Variants in GRIA4 observed in about 807,000 individuals in gnomAD.
GRIA4 encodes glutamate ionotropic receptor AMPA type subunit 4.
A neutral mutation model predicts 104.0 loss-of-function variants in GRIA4; 34 were observed. That is an observed-to-expected ratio of 0.33 (90% confidence interval 0.25 to 0.44). The LOEUF (loss-of-function observed/expected upper bound fraction) is 0.44. GRIA4 is among the 20% of genes least tolerant of loss of function. The pLI is 1.00. For synonymous variants in GRIA4, 386 were observed against 381.9 expected (o/e 1.01, Z -0.13); for missense variants, 750 against 1,096.5 (o/e 0.68, Z 4.46).
intron 6 of GRIA4, among the ~76,000 whole-genome samples, chr11:105,888,057 T>C (rs1334747050): frequency 1.3e-5 from 2 of 152,124 alleles, no homozygotes; most frequent in East Asian, 1.9e-4. Flanking sequence ...ACAAACAAGA[T>C]ACACATATTT....
At chr11:105,766,602 C>G (rs1045126759) in intron 4 of GRIA4, among the ~76,000 whole-genome samples, 2 of 151,924 alleles carry the variant, frequency 1.3e-5, no homozygotes, top group African/African-American at 4.8e-5. Flanking sequence ...TGTTTGACAA[C>G]TTACACACTT....
At chr11:105,830,961 T>C (rs1591318475) in intron 4 of GRIA4, among the ~76,000 whole-genome samples, 1 of 151,602 alleles carries the variant, frequency 6.6e-6, no homozygotes, top group African/African-American at 2.4e-5. Flanking sequence ...AGGTGAATTA[T>C]ACACACACGC....
intron 4 of GRIA4, among the ~76,000 whole-genome samples, chr11:105,778,700 A>C (rs1941568367): frequency 6.6e-6 from 1 of 152,138 alleles, no homozygotes; most frequent in Non-Finnish European, 1.5e-5. Context: ...GCAAGACTAC[A>C]TCTCAAAACA....
intron 3 of GRIA4, chr11:105,613,886 T>C (rs1345286543): frequency 1.3e-5 from 2 of 151,960 alleles, no homozygotes; most frequent in Non-Finnish European, 2.9e-5. Flanking sequence ...AATATTGCAT[T>C]AAAGCAAAAG....
intron 14 of GRIA4, among the ~76,000 whole-genome samples, chr11:105,937,457 G>A (rs190066292): frequency 1.6e-4 from 24 of 152,180 alleles, no homozygotes; most frequent in Admixed American, 3.9e-4. Context: ...TCTTTGGAGC[G>A]AATCATCATT....
intron 4 of GRIA4, among the ~76,000 whole-genome samples, chr11:105,823,690 G>A (rs1943660308): frequency 6.6e-6 from 1 of 152,078 alleles, no homozygotes. Context: ...ACTGACAATG[G>A]AGTTTGATGC....
chr11:105,626,275 A>G (rs1245503382), intron 3 of GRIA4, among the ~76,000 whole-genome samples: 2 of 152,072 alleles, frequency 1.3e-5, no homozygotes, highest in Non-Finnish European at 2.9e-5. Context: ...ACACACATAC[A>G]CACACACATA....
intron 3 of GRIA4, among the ~76,000 whole-genome samples, chr11:105,713,491 G>T (rs1215984666): frequency 2.0e-5 from 3 of 152,074 alleles, no homozygotes; most frequent in Non-Finnish European, 2.9e-5. Flanking sequence ...GGAATTATGG[G>T]ATCTTTTCCA....
chr11:105,769,690 A>G (rs1941123130), intron 4 of GRIA4, among the ~76,000 whole-genome samples: 2 of 152,048 alleles, frequency 1.3e-5, no homozygotes, highest in Non-Finnish European at 2.9e-5. Context: ...TATAACACTA[A>G]AGCAGTATGG....
chr11:105,666,493 T>G (rs975136329), intron 3 of GRIA4, among the ~76,000 whole-genome samples: 1 of 151,948 alleles, frequency 6.6e-6, no homozygotes, highest in Non-Finnish European at 1.5e-5. Context: ...CTGGAAAACC[T>G]AATCTCTCTT....
intron 3 of GRIA4, among the ~76,000 whole-genome samples, chr11:105,671,964 G>C (rs535244505): frequency 6.6e-6 from 1 of 152,130 alleles, no homozygotes; most frequent in East Asian, 1.9e-4. Flanking sequence ...GTTTCCGTTT[G>C]CTTTCACATT....
chr11:105,634,507 AAGAAAG>A (rs1380674930), intron 3 of GRIA4, among the ~76,000 whole-genome samples: 3 of 56,006 alleles, frequency 5.4e-5, no homozygotes, highest in African/African-American at 1.4e-4. Context: ...GAAAGAAAGA[AAGAAAG>A]AAGAAAGAAA....
intron 4 of GRIA4, among the ~76,000 whole-genome samples, chr11:105,844,029 G>A (rs1944486860): frequency 6.6e-6 from 1 of 152,108 alleles, no homozygotes; most frequent in Non-Finnish European, 1.5e-5. Flanking sequence ...TGCATCTTGG[G>A]TTACCTACAT....
At chr11:105,931,891 C>A (rs1051898915) in intron 13 of GRIA4, among the ~76,000 whole-genome samples, 19 of 152,088 alleles carry the variant, frequency 1.2e-4, no homozygotes, top group African/African-American at 4.6e-4. Flanking sequence ...AATAATTTGT[C>A]TTTGCCCAGG....
intron 3 of GRIA4, among the ~76,000 whole-genome samples, chr11:105,645,393 C>T (rs34374338): frequency 6.6e-6 from 1 of 152,154 alleles, no homozygotes; most frequent in African/African-American, 2.4e-5. Flanking sequence ...TGCCTCAGGG[C>T]CTGCTTATAC....
chr11:105,684,262 A>G (rs1239779017), intron 3 of GRIA4, among the ~76,000 whole-genome samples: 8 of 152,118 alleles, frequency 5.3e-5, no homozygotes, highest in Admixed American at 3.9e-4. Flanking sequence ...TCTGTCTTCA[A>G]GATGTTCTTA....
chr11:105,827,088 T>C (rs559567895), intron 4 of GRIA4, among the ~76,000 whole-genome samples: 2 of 152,140 alleles, frequency 1.3e-5, no homozygotes, highest in African/African-American at 2.4e-5. Flanking sequence ...TCCAGGTGCA[T>C]TGCCAAATTG....
intron 4 of GRIA4, among the ~76,000 whole-genome samples, chr11:105,828,850 G>C (rs1943870620): frequency 6.6e-6 from 1 of 151,910 alleles, no homozygotes; most frequent in South Asian, 2.1e-4. Context: ...GGTGTCCCAA[G>C]ATATAACTTT....
intron 3 of GRIA4, among the ~76,000 whole-genome samples, chr11:105,686,648 A>G (rs1345607446): frequency 6.6e-6 from 1 of 152,194 alleles, no homozygotes; most frequent in Non-Finnish European, 1.5e-5. Context: ...AGAAATCTCC[A>G]AATTGCTCTC....
Sources: gnomAD v4.1 joint callset for allele counts (sites outside exome capture counted in the v4.1 genomes callset) on GRCh38, gnomAD v4.1.1 for gene constraint, MANE v1.5 for transcripts, NCBI Gene and HGNC (gene_info 2026-07-23, HGNC 2026-07-21) for gene names.